FXYD6: variants seen among roughly 807,000 people sequenced by gnomAD.
FXYD6 encodes the protein FXYD domain-containing ion transport regulator 6.
A neutral mutation model predicts 16.7 loss-of-function variants in FXYD6; 7 were observed. The observed-to-expected ratio is 0.42, with a 90% CI of 0.24 to 0.79. The LOEUF is 0.79. Among genes scored for constraint, FXYD6 ranks in the 30% least tolerant of loss-of-function variants. FXYD6 has a pLI of 0.28. For missense variants in FXYD6, 111 were observed against 116.2 expected, an observed-to-expected ratio of 0.95 and a Z score of 0.21; for synonymous variants, 49 against 43.0, an observed-to-expected ratio of 1.14 and a Z score of -0.54.
intron 1 of FXYD6, among the ~76,000 whole-genome samples, chr11:117,846,615 G>A (rs938930044): frequency 6.6e-6 from 1 of 152,104 alleles, no homozygotes; most frequent in Non-Finnish European, 1.5e-5. Context: ...CTGGTTCCAG[G>A]GGCAGACTGC....
chr11:117,850,755 A>T (rs908249141), intron 1 of FXYD6, among the ~76,000 whole-genome samples: 2 of 150,348 alleles, frequency 1.3e-5, no homozygotes, highest in African/African-American at 4.9e-5. Flanking sequence ...GGCCTCCCAA[A>T]GTGCTGGGAT....
At chr11:117,858,725 CT>C (rs1565323969) in intron 1 of FXYD6, among the ~76,000 whole-genome samples, 1,808 of 47,040 alleles carry the variant, frequency 0.038, 148 homozygotes, top group African/African-American at 0.13. Context: ...CCTTCCTTCC[CT>C]TCCTTCCTTC....
rs1472873046 is a variant in FXYD6, at chr11:117,870,488, G to A, written c.-6+6104C>T. The stretch of plus-strand genomic sequence containing the variant: ...GCCAGGGCCAGGAACCCAGAAGCCA[G>A]GCCCACGCCACCCTGCCCACAGCCA... On this transcript the variant is annotated intron_variant, in intron 1 of 7. Transcript: ENST00000526014. The surrounding 1 kb of genome is among the most constrained non-coding windows in gnomAD (Gnocchi z 4.2). Among the ~76,000 whole-genome samples, 1 of 152,204 alleles carries A rather than the reference G, an allele frequency of 6.6e-6. No individual in the cohort carries two copies. Among genetic ancestry groups the A allele is most frequent in the Non-Finnish European group, 1.5e-5 (1 of 68,022 alleles).
At position 117,837,914 on chromosome 11, in the gene FXYD6, G is replaced by A. The variant is rs1291292564; in HGVS notation, c.*385C>T. The A allele has an allele frequency of 9.5e-6, 4 of 422,890 alleles. No individual in the cohort carries two copies. The highest frequency in any genetic ancestry group is 3.1e-5 in the South Asian group (1 of 32,432). 26.2% of individuals were successfully genotyped at this position (422,890 alleles called of 1,614,324 possible). The stretch of plus-strand genomic sequence containing the variant: ...CAGAAGGTGATGGAGGGCCACGGGG[G>A]CAGGGAGGAGCAGATGGCCATGTGG... On this transcript the variant is annotated 3_prime_UTR_variant, in exon 8 of 8. Transcript: ENST00000526014. This position sits in a 1 kb window ranked among gnomAD's most constrained non-coding sequence, Gnocchi z 4.4.
chr11:117,839,855 A>G (rs2134130301), intron 6 of FXYD6, 25 bp from the exon 7 acceptor site: 2 of 1,614,132 alleles, frequency 1.2e-6, no homozygotes, highest in East Asian at 2.2e-5. Context: ...AGAATGGATT[A>G]TAGTGTATAG....
At chr11:117,852,673 T>C (rs546083401) in intron 1 of FXYD6, among the ~76,000 whole-genome samples, 2 of 152,360 alleles carry the variant, frequency 1.3e-5, no homozygotes, top group African/African-American at 4.8e-5. Flanking sequence ...GTTCATCCTT[T>C]TCATCGTTAT....
intron 6 of FXYD6, 96 bp downstream of exon 6, chr11:117,840,223 G>T: frequency 6.6e-7 from 1 of 1,523,852 alleles, no homozygotes. Flanking sequence ...GAGCATGTCT[G>T]GCTGGCCATG....
At chr11:117,874,736 G>A (rs889795311) in intron 1 of FXYD6, among the ~76,000 whole-genome samples, 2 of 152,226 alleles carry the variant, frequency 1.3e-5, no homozygotes, top group African/African-American at 2.4e-5. Context: ...AAAGAGCAGC[G>A]GCAGTGGAGA....
intron 1 of FXYD6, among the ~76,000 whole-genome samples, chr11:117,852,644 G>C (rs1441761662): frequency 2.0e-5 from 3 of 152,144 alleles, no homozygotes; most frequent in Admixed American, 1.3e-4. Flanking sequence ...CATCAGACTT[G>C]AAAGTCCTTT....
At chr11:117,840,106 C>G in intron 6 of FXYD6, 2 of 661,154 alleles carry the variant, frequency 3.0e-6, no homozygotes, top group South Asian at 3.7e-5. Context: ...GTGCCTGGCA[C>G]AAGCAGATGC....
chr11:117,863,576 C>T (rs1376905244), intron 1 of FXYD6, among the ~76,000 whole-genome samples: 2 of 151,804 alleles, frequency 1.3e-5, no homozygotes, highest in Admixed American at 1.3e-4. Context: ...CCACTTTCAC[C>T]ATTTCTGTTT....
At chr11:117,841,319 C>T (rs556188997) in intron 4 of FXYD6, 135 bp from the exon 5 acceptor site, 8 of 1,142,122 alleles carry the variant, frequency 7.0e-6, no homozygotes, top group Admixed American at 2.5e-5. Flanking sequence ...CAGCTGCACA[C>T]AGTGGCCCTC....
intron 1 of FXYD6, among the ~76,000 whole-genome samples, chr11:117,853,122 C>CTT (rs1379702480): frequency 2.0e-5 from 3 of 152,170 alleles, no homozygotes; most frequent in Non-Finnish European, 4.4e-5. Flanking sequence ...TCAAAATCTA[C>CTT]TTTTTGTTTC....
intron 1 of FXYD6, among the ~76,000 whole-genome samples, chr11:117,848,863 CT>C (rs2056539518): frequency 6.6e-6 from 1 of 152,054 alleles, no homozygotes; most frequent in Non-Finnish European, 1.5e-5. Context: ...TCCCTTTCTT[CT>C]TGGTCAGTTT....
In FXYD6 at chr11:117,872,958, G is replaced by A. The variant is rs113943907; in HGVS notation, c.-6+3634C>T. On this transcript the variant is annotated intron_variant, in intron 1 of 7. Coordinates refer to ENST00000526014, the MANE Select transcript of FXYD6 (RefSeq NM_022003.4). This position sits in a 1 kb window ranked among gnomAD's most constrained non-coding sequence, Gnocchi z 4.9. Reference sequence around the variant, plus strand: ...CTGGCCAGGGGTTCTCCCTGCAGAAGATTTCATGGACCTCCAAAATGACAG... The same window carrying A: ...CTGGCCAGGGGTTCTCCCTGCAGAAAATTTCATGGACCTCCAAAATGACAG... 1.2e-3 allele frequency among the ~76,000 whole-genome samples: 184 copies of A among 152,226 alleles called. No individual in the cohort carries two copies. The highest frequency in any genetic ancestry group is 4.3e-3 in the African/African-American group (177 of 41,520).
At chr11:117,842,338 C>A in intron 2 of FXYD6, 5 of 566,036 alleles carry the variant, frequency 8.8e-6, no homozygotes, top group Middle Eastern at 4.7e-4. Flanking sequence ...TCTTGTGACA[C>A]ACGGAGAAAC....
chr11:117,863,627 A>G (rs2056954611), intron 1 of FXYD6, among the ~76,000 whole-genome samples: 1 of 152,238 alleles, frequency 6.6e-6, no homozygotes, highest in Admixed American at 6.5e-5. Context: ...ACTATGCAAA[A>G]TAAACAAATA....
At chr11:117,863,488 A>G (rs983961933) in intron 1 of FXYD6, among the ~76,000 whole-genome samples, 1 of 152,064 alleles carries the variant, frequency 6.6e-6, no homozygotes, top group African/African-American at 2.4e-5. Flanking sequence ...AAAAAAAAAA[A>G]AACCCACAGC....
intron 1 of FXYD6, among the ~76,000 whole-genome samples, chr11:117,871,746 G>A (rs1010717252): frequency 2.0e-5 from 3 of 152,192 alleles, no homozygotes; most frequent in African/African-American, 4.8e-5. Flanking sequence ...GCAGCATGCT[G>A]AGCCCTTTAC....
Sources: gnomAD v4.1 joint callset for allele counts (sites outside exome capture counted in the v4.1 genomes callset) on GRCh38, gnomAD v4.1.1 for gene constraint, Gnocchi (gnomAD v3.1) non-coding constraint, MANE v1.5 for transcripts, NCBI Gene and HGNC (gene_info 2026-07-23, HGNC 2026-07-21) for gene names.